The following OR51B5 variants were observed in gnomAD, a reference collection of about 807,000 sequenced individuals.
OR51B5 encodes olfactory receptor family 51 subfamily B member 5, also known as olfactory receptor 51B5.
For synonymous variants in OR51B5, 186 were observed against 144.8 expected, an observed-to-expected ratio of 1.28 and a Z score of -2.04; for missense variants, 456 against 374.6, an observed-to-expected ratio of 1.22 and a Z score of -1.79.
At chr11:5,445,980 T>C in intron 1 of OR51B5, among the ~76,000 whole-genome samples, 1 of 151,924 alleles carries the variant, frequency 6.6e-6, no homozygotes, top group Non-Finnish European at 1.5e-5. Flanking sequence ...CTGGAAACCA[T>C]CATTCTCAGC....
At chr11:5,358,478 A>C (rs1405827316) in intron 1 of OR51B5, among the ~76,000 whole-genome samples, 2 of 152,122 alleles carry the variant, frequency 1.3e-5, no homozygotes, top group Admixed American at 6.5e-5. Flanking sequence ...CAATAACAGG[A>C]TCTGAAATTG....
intron 1 of OR51B5, among the ~76,000 whole-genome samples, chr11:5,436,298 AAAT>A (rs1850591545): frequency 6.6e-6 from 1 of 152,162 alleles, no homozygotes; most frequent in South Asian, 2.1e-4. Flanking sequence ...AATCACAATG[AAAT>A]AATAAGCTTC....
intron 1 of OR51B5, among the ~76,000 whole-genome samples, chr11:5,413,776 G>T (rs1428560142): frequency 6.6e-6 from 1 of 151,904 alleles, no homozygotes; most frequent in Non-Finnish European, 1.5e-5. Flanking sequence ...AGAAATATGG[G>T]ACTATGTGAA....
chr11:5,351,626 A>G (rs4910756), intron 1 of OR51B5: 313,281 of 1,613,622 alleles, frequency 0.19, 32,242 homozygotes, highest in African/African-American at 0.21. Context: ...CTTCTTGGCA[A>G]TGGCACTCTT....
intron 1 of OR51B5, among the ~76,000 whole-genome samples, chr11:5,377,541 T>C (rs1373061750): frequency 1.3e-5 from 2 of 152,102 alleles, no homozygotes; most frequent in Non-Finnish European, 2.9e-5. Flanking sequence ...GCAGACGACA[T>C]GATTGTATAT....
Position 5,422,496 on chromosome 11 carries a change from G to C in OR51B5, n.85-75586C>G, listed in dbSNP as rs1161108795. The C allele has an allele frequency of 1.9e-6, 3 of 1,614,066 alleles. No homozygotes were observed. The highest frequency in any genetic ancestry group is 1.3e-5 in the African/African-American group (1 of 74,916). On this transcript the variant is annotated intron_variant and non_coding_transcript_variant, in intron 1 of 4. Coordinates refer to the OR51B5 transcript ENST00000415970. The stretch of plus-strand genomic sequence containing the variant: ...GTTCGTAGAATCAGCTCTGAGGCCT[G>C]TTTTGCTCAGTTTTTCTTCCTTCAT...
At chr11:5,345,874 T>TTCAGCATCCATATTCTGTCCTAGGA (rs1198703986), upstream of OR51B5, 4 of 85,226 alleles carry the variant, frequency 4.7e-5, no homozygotes, top group Non-Finnish European at 9.7e-5. Flanking sequence ...AGAATCATTT[T>TTCAGCATCCATATTCTGTCCTAGGA]TCAGCATCCA....
intron 1 of OR51B5, among the ~76,000 whole-genome samples, chr11:5,421,420 A>G (rs1278177410): frequency 2.0e-5 from 3 of 152,276 alleles, no homozygotes; most frequent in Non-Finnish European, 4.4e-5. Flanking sequence ...TTGTTAGAAC[A>G]TAAGAATTAA....
intron 1 of OR51B5, among the ~76,000 whole-genome samples, chr11:5,357,475 G>C (rs1487224609): frequency 6.6e-6 from 1 of 152,024 alleles, no homozygotes; most frequent in East Asian, 1.9e-4. Flanking sequence ...GGTTCATAAA[G>C]CAAGTCCTTA....
chr11:5,360,060 A>G (rs1352677549), intron 1 of OR51B5, among the ~76,000 whole-genome samples: 6 of 152,144 alleles, frequency 3.9e-5, no homozygotes, highest in Non-Finnish European at 7.4e-5. Flanking sequence ...AACCTAGGCA[A>G]TACCATTCAG....
intron 1 of OR51B5, among the ~76,000 whole-genome samples, chr11:5,464,678 G>A (rs1454278089): frequency 3.9e-5 from 6 of 151,946 alleles, no homozygotes; most frequent in Admixed American, 2.0e-4. Context: ...TCTTAATTCA[G>A]TCTATCATTG....
intron 1 of OR51B5, among the ~76,000 whole-genome samples, chr11:5,354,508 G>T (rs1211994960): frequency 6.6e-6 from 1 of 152,198 alleles, no homozygotes; most frequent in Non-Finnish European, 1.5e-5. Flanking sequence ...GGGACTTGCA[G>T]TTCTCTTTGT....
chr11:5,474,572 CT>C (rs1181067327), intron 1 of OR51B5, among the ~76,000 whole-genome samples: 1 of 152,088 alleles, frequency 6.6e-6, no homozygotes, highest in Non-Finnish European at 1.5e-5. Flanking sequence ...GTAGTTAAGC[CT>C]TTTCCTCTTG....
intron 1 of OR51B5, among the ~76,000 whole-genome samples, chr11:5,371,358 A>G (rs1183546583): frequency 3.3e-5 from 5 of 152,210 alleles, no homozygotes; most frequent in Non-Finnish European, 7.3e-5. Flanking sequence ...AACATTTAAT[A>G]GAGACATTGA....
At chr11:5,467,482 C>T (rs561122234) in intron 1 of OR51B5, among the ~76,000 whole-genome samples, 3 of 152,212 alleles carry the variant, frequency 2.0e-5, no homozygotes, top group Non-Finnish European at 1.5e-5. Context: ...TCTTCATTCC[C>T]TAATCATCCA....
rs770150308 is a variant in OR51B5, at chr11:5,501,249, T to C, written n.84+4320A>G. 6.1e-5 allele frequency among the ~76,000 whole-genome samples: 9 copies of C among 147,860 alleles called. 2 individuals carry two copies. The highest frequency in any genetic ancestry group is 1.4e-4 in the Non-Finnish European group (9 of 66,074). ...ACTTCTGGGTGGCTATACTAACCTATGCCTGGGCTACAATAAGAACTCCCA... is the reference window on the plus strand; with the variant it reads ...ACTTCTGGGTGGCTATACTAACCTACGCCTGGGCTACAATAAGAACTCCCA... On this transcript the variant is annotated intron_variant and non_coding_transcript_variant, in intron 1 of 4. Coordinates refer to the OR51B5 transcript ENST00000415970.
chr11:5,363,764 G>A (rs1356906083), intron 1 of OR51B5, among the ~76,000 whole-genome samples: 1 of 152,156 alleles, frequency 6.6e-6, no homozygotes, highest in Non-Finnish European at 1.5e-5. Flanking sequence ...GCATTTTCAT[G>A]AGGATTCTAT....
chr11:5,404,178 C>T (rs954728240), intron 1 of OR51B5, among the ~76,000 whole-genome samples: 258 of 4,172 alleles, frequency 0.062, 1 homozygote, highest in African/African-American at 0.17. Flanking sequence ...GCGGGGAGGG[C>T]GGGGGGCGGA....
chr11:5,436,243 T>A (rs1285332017), intron 1 of OR51B5, among the ~76,000 whole-genome samples: 2 of 152,068 alleles, frequency 1.3e-5, no homozygotes, highest in East Asian at 3.8e-4. Flanking sequence ...TAGGTGGAGA[T>A]CACAGGGTGA....
Sources: allele counts gnomAD v4.1 joint callset (sites outside exome capture counted in the v4.1 genomes callset), GRCh38; gene constraint gnomAD v4.1.1; transcripts MANE v1.5; gene names NCBI Gene and HGNC (gene_info 2026-07-23, HGNC 2026-07-21).